Variants in FTO observed in about 807,000 individuals in gnomAD.
FTO encodes FTO alpha-ketoglutarate dependent dioxygenase.
In FTO, 47 loss-of-function variants were observed where a neutral mutation model predicts 63.9. The observed-to-expected ratio is 0.74, with a 90% CI of 0.58 to 0.94. The LOEUF (loss-of-function observed/expected upper bound fraction) is 0.94, where lower values mean the gene tolerates loss of function less well. FTO is among the 40% of genes least tolerant of loss of function. The pLI is 0.00. For synonymous variants in FTO, 207 were observed against 224.4 expected, an observed-to-expected ratio of 0.92 and a Z score of 0.69; for missense variants, 562 against 618.1, an observed-to-expected ratio of 0.91 and a Z score of 0.96.
intron 7 of FTO, among the ~76,000 whole-genome samples, chr16:53,905,045 G>A (rs866690617): frequency 1.3e-5 from 2 of 152,052 alleles, no homozygotes; most frequent in African/African-American, 4.8e-5. Flanking sequence ...ATCTCAGCAG[G>A]GGAGGAGAGC....
chr16:53,811,603 T>G (rs567541329), intron 2 of FTO, among the ~76,000 whole-genome samples: 1 of 152,302 alleles, frequency 6.6e-6, no homozygotes, highest in African/African-American at 2.4e-5. Context: ...TAGTATTTTC[T>G]AACCAAGATG....
intron 1 of FTO, among the ~76,000 whole-genome samples, chr16:53,804,931 G>C (rs2078323742): frequency 1.3e-5 from 2 of 151,956 alleles, no homozygotes; most frequent in African/African-American, 4.8e-5. Context: ...GATCTTTCTA[G>C]TGTTAGTTTA....
chr16:53,907,225 C>T (rs1395418175), intron 7 of FTO, among the ~76,000 whole-genome samples: 2 of 152,194 alleles, frequency 1.3e-5, no homozygotes, highest in African/African-American at 4.8e-5. Context: ...ATATACCTAA[C>T]CTACCCAACA....
At chr16:53,900,060 C>T (rs1074903) in intron 7 of FTO, among the ~76,000 whole-genome samples, 10,326 of 152,190 alleles carry the variant, frequency 0.068, 467 homozygotes, top group Non-Finnish European at 0.097. Flanking sequence ...TGTTTGTAGC[C>T]GATGCTCAGG....
chr16:53,708,670 C>T (rs1370808271), intron 1 of FTO, among the ~76,000 whole-genome samples: 2 of 152,178 alleles, frequency 1.3e-5, no homozygotes, highest in African/African-American at 4.8e-5. Context: ...TTTGTCACAT[C>T]CTTGTCAACA....
intron 1 of FTO, among the ~76,000 whole-genome samples, chr16:53,714,499 AT>A (rs994491168): frequency 3.3e-5 from 5 of 150,206 alleles, no homozygotes; most frequent in East Asian, 1.9e-4. Context: ...TGCTGATGAA[AT>A]TTTTTTTTTG....
At chr16:54,097,734 GCA>G (rs2086548691) in intron 8 of FTO, among the ~76,000 whole-genome samples, 1 of 152,152 alleles carries the variant, frequency 6.6e-6, no homozygotes. Flanking sequence ...ATGTGCGTGT[GCA>G]CACACAGACA....
intron 4 of FTO, among the ~76,000 whole-genome samples, chr16:53,860,927 G>A (rs1364485727): frequency 6.6e-6 from 1 of 150,990 alleles, no homozygotes; most frequent in Non-Finnish European, 1.5e-5. Context: ...CGTTTACTGT[G>A]AGGTCATGGG....
intron 1 of FTO, among the ~76,000 whole-genome samples, chr16:53,762,571 A>G (rs879338140): frequency 6.6e-6 from 1 of 152,142 alleles, no homozygotes; most frequent in African/African-American, 2.4e-5. Context: ...ACACCCATAG[A>G]GCATGCGAGG....
At chr16:54,109,986 T>C (rs2086844680) in intron 8 of FTO, among the ~76,000 whole-genome samples, 1 of 152,234 alleles carries the variant, frequency 6.6e-6, no homozygotes, top group South Asian at 2.1e-4. Flanking sequence ...AGCATTACTC[T>C]AGGATTCTGA....
At chr16:54,056,876 C>T (rs2085448737) in intron 8 of FTO, among the ~76,000 whole-genome samples, 1 of 152,180 alleles carries the variant, frequency 6.6e-6, no homozygotes, top group African/African-American at 2.4e-5. Context: ...TGTTACCCGG[C>T]ATTAGGTAAT....
intron 7 of FTO, among the ~76,000 whole-genome samples, chr16:53,912,318 G>A (rs1013682113): frequency 6.6e-5 from 10 of 152,178 alleles, no homozygotes; most frequent in African/African-American, 2.4e-4. Context: ...CTAATCACTT[G>A]CTGGTATCAG....
chr16:53,813,532 G>A (rs763300237), intron 2 of FTO, among the ~76,000 whole-genome samples: 12 of 152,130 alleles, frequency 7.9e-5, no homozygotes, highest in Non-Finnish European at 1.8e-4. Flanking sequence ...TTCTAGGAAG[G>A]CTTAGTACTT....
intron 4 of FTO, among the ~76,000 whole-genome samples, chr16:53,865,876 G>A (rs2080298800): frequency 6.6e-6 from 1 of 152,022 alleles, no homozygotes; most frequent in Non-Finnish European, 1.5e-5. Flanking sequence ...TTCTCTATTT[G>A]TATACCTTTT....
intron 8 of FTO, among the ~76,000 whole-genome samples, chr16:54,090,529 A>G (rs903511412): frequency 1.3e-5 from 2 of 152,224 alleles, no homozygotes; most frequent in Non-Finnish European, 2.9e-5. Context: ...AATGATTCAA[A>G]TGGCATATTT....
At chr16:53,938,363 G>A (rs1324673532) in intron 8 of FTO, among the ~76,000 whole-genome samples, 3 of 152,118 alleles carry the variant, frequency 2.0e-5, no homozygotes, top group African/African-American at 7.2e-5. Flanking sequence ...TACGCTATTC[G>A]TCTATTTATT....
At chr16:53,827,913 A>G (rs2079051820) in intron 3 of FTO, among the ~76,000 whole-genome samples, 1 of 152,208 alleles carries the variant, frequency 6.6e-6, no homozygotes, top group South Asian at 2.1e-4. Flanking sequence ...CCAAACCTGA[A>G]GCAGTGGTAT....
At chr16:54,012,792 A>G (rs1020306094) in intron 8 of FTO, among the ~76,000 whole-genome samples, 2 of 152,188 alleles carry the variant, frequency 1.3e-5, no homozygotes, top group South Asian at 4.1e-4. Context: ...AGTATGGTTT[A>G]CTGAATATTT....
At chr16:53,775,427 T>C (rs1310481330) in intron 1 of FTO, among the ~76,000 whole-genome samples, 1 of 152,212 alleles carries the variant, frequency 6.6e-6, no homozygotes, top group Admixed American at 6.5e-5. Flanking sequence ...CCTGTCTGCC[T>C]GGGCTTTTGC....
Sources: allele counts gnomAD v4.1 joint callset (sites outside exome capture counted in the v4.1 genomes callset), GRCh38; gene constraint gnomAD v4.1.1; transcripts MANE v1.5; gene names NCBI Gene and HGNC (gene_info 2026-07-23, HGNC 2026-07-21).